Variants in FGFRL1 observed in about 807,000 individuals in gnomAD.
The protein encoded by FGFRL1 is fibroblast growth factor receptor-like 1.
In FGFRL1, 24 loss-of-function variants were observed where a neutral mutation model predicts 36.8. The ratio of observed to expected loss-of-function variants is 0.65; its 90% CI spans 0.47 to 0.92. The LOEUF is 0.92. Among genes scored for constraint, FGFRL1 ranks in the 40% least tolerant of loss-of-function variants. The pLI is 0.00. For missense variants in FGFRL1, 785 were observed against 753.4 expected (o/e 1.04, Z -0.49); for synonymous variants, 422 against 344.1 (o/e 1.23, Z -2.50).
chr4:1,013,439 A>C (rs1034391127), intron 2 of FGFRL1, among the ~76,000 whole-genome samples: 1 of 152,216 alleles, frequency 6.6e-6, no homozygotes, highest in Admixed American at 6.5e-5. Context: ...CCTGCCGCCC[A>C]GCAAGCGCGC....
chr4:1,013,368 G>A (rs866253410), intron 2 of FGFRL1, among the ~76,000 whole-genome samples: 6 of 152,248 alleles, frequency 3.9e-5, no homozygotes, highest in Admixed American at 6.5e-5. Flanking sequence ...CCCTTTGGGC[G>A]TGTTGACCAC....
At chr4:1,013,531 C>T (rs1198621408) in intron 2 of FGFRL1, among the ~76,000 whole-genome samples, 3 of 129,590 alleles carry the variant, frequency 2.3e-5, no homozygotes, top group Non-Finnish European at 3.4e-5. Flanking sequence ...CCACAGCACC[C>T]CCCCCTACCC....
rs1715592888 is a variant in FGFRL1 at position 1,011,737 on chromosome 4, C to T, written c.-234C>T. 7.0e-6 allele frequency: 1 copy of T among 143,362 alleles called. No individual in the cohort carries two copies. The highest frequency in any genetic ancestry group is 1.6e-5 in the Non-Finnish European group (1 of 64,486). 8.9% of individuals were successfully genotyped at this position (143,362 alleles called of 1,614,324 possible). A position where few individuals can be genotyped will look rare whatever the true frequency, so the allele number is the denominator to read the frequency against. ...GCCCCCGGCCCCGCGGACTCGCCCCCGCCGCCTGCCCGGTCCGGGACCCCG... is the reference window on the plus strand; with the variant it reads ...GCCCCCGGCCCCGCGGACTCGCCCCTGCCGCCTGCCCGGTCCGGGACCCCG... On this transcript the variant is annotated 5_prime_UTR_variant, in exon 1 of 7. Transcript: ENST00000510644.
At chr4:1,017,549 G>A (rs1560559813) in intron 2 of FGFRL1, among the ~76,000 whole-genome samples, 1 of 152,232 alleles carries the variant, frequency 6.6e-6, no homozygotes, top group Non-Finnish European at 1.5e-5. Flanking sequence ...TCCGACCTGG[G>A]CAGGTGCTGC....
intron 2 of FGFRL1, among the ~76,000 whole-genome samples, chr4:1,015,220 C>T (rs1256931145): frequency 6.6e-6 from 1 of 152,206 alleles, no homozygotes; most frequent in African/African-American, 2.4e-5. Flanking sequence ...TCAGGGCCTC[C>T]GCCAGTGACT....
rs4647933 is a variant in FGFRL1, at chr4:1,023,731, G to C, written c.433+10G>C. On this transcript the variant is annotated intron_variant, in intron 4 of 6. Transcript: ENST00000510644. This position sits in a 1 kb window ranked among gnomAD's most constrained non-coding sequence, Gnocchi z 6.0. ...GCCAGCCAGCAGTGGGGTGAGCAGG[G>C]GGTGACGGGGGTGGGGGGCGTCCGT... is the stretch of plus-strand genomic sequence containing the variant. 62,475 of 1,558,602 alleles carry C rather than the reference G, an allele frequency of 0.04. 1,540 individuals carry two copies. Among genetic ancestry groups the C allele is most frequent in the East Asian group, 0.12 (5,000 of 43,044 alleles).
chr4:1,018,484 C>T (rs1292696026), intron 2 of FGFRL1, among the ~76,000 whole-genome samples: 2 of 152,178 alleles, frequency 1.3e-5, no homozygotes, highest in South Asian at 2.1e-4. Flanking sequence ...GTCTCGCTCC[C>T]ATGTGGCCCT....
At chr4:1,010,528 C>T (rs1241575726), upstream of FGFRL1, among the ~76,000 whole-genome samples, 3 of 152,264 alleles carry the variant, frequency 2.0e-5, no homozygotes, top group Non-Finnish European at 4.4e-5. Flanking sequence ...CAGTTTCAGC[C>T]TTTCCTGGGA....
rs777318066 is a variant in FGFRL1 at position 1,024,439 on chromosome 4, C to T, written c.847C>T (p.Arg283Cys). The part of the protein sequence containing the change: ...DVKPVIQWLK[R>C]VEYGAEGRHN... ...GAAGCCGGTGATCCAGTGGCTGAAG[C>T]GCGTGGAGTACGGCGCCGAGGGCCG... Residue 283 changes from arginine to cysteine, a missense_variant, in exon 6 of 7, where the codon CGC becomes TGC. Arg to Cys is a radical substitution (Grantham distance 180, BLOSUM62 -3). Coordinates refer to ENST00000510644, the MANE Select transcript of FGFRL1 (RefSeq NM_001004356.3). 1.7e-5 allele frequency: 27 copies of T among 1,612,418 alleles called. No individual in the cohort carries two copies. Among genetic ancestry groups the T allele is most frequent in the African/African-American group, 2.7e-5 (2 of 74,912 alleles).
At position 1,012,413 on chromosome 4, in the gene FGFRL1, G is replaced by A. The variant is rs1457723216; in HGVS notation, c.-16-57G>A. 8 of 1,561,324 alleles carry A rather than the reference G, an allele frequency of 5.1e-6. No individual in the cohort carries two copies. In the East Asian group the frequency reaches 1.8e-4, roughly 35 times the overall value. On this transcript the variant is annotated intron_variant, in intron 1 of 6. Coordinates refer to ENST00000510644, the MANE Select transcript of FGFRL1 (RefSeq NM_001004356.3). ...CCCTGATCCCCGCGGCCCGGGACCGGGGAGGGCGGTATCTCCCAGTTCCAC... is the reference window on the plus strand; with the variant it reads ...CCCTGATCCCCGCGGCCCGGGACCGAGGAGGGCGGTATCTCCCAGTTCCAC...
At chr4:1,014,349 G>A (rs912692922) in intron 2 of FGFRL1, among the ~76,000 whole-genome samples, 35 of 152,114 alleles carry the variant, frequency 2.3e-4, no homozygotes, top group Non-Finnish European at 4.4e-5. Flanking sequence ...GTGGGAACTT[G>A]AGAGGTTCTG....
intron 2 of FGFRL1, among the ~76,000 whole-genome samples, chr4:1,019,958 C>G (rs1252051324): frequency 3.9e-5 from 6 of 152,338 alleles, no homozygotes; most frequent in Non-Finnish European, 2.9e-5. Context: ...ACTCCCAGCC[C>G]CAGCGGCCAA....
In FGFRL1 at chr4:1,025,521, A is replaced by T; in HGVS notation, c.*174A>T. 1.3e-6 allele frequency: 1 copy of T among 780,342 alleles called. No individual in the cohort carries two copies. Among genetic ancestry groups the T allele is most frequent in the South Asian group, 1.9e-5 (1 of 53,784 alleles). 48.3% of individuals were successfully genotyped at this position (780,342 alleles called of 1,614,324 possible). Reference sequence around the variant, plus strand: ...TGGACACACACACACAGACACACACACTGCCTGGATGCATGTATGCACACA... The same window carrying T: ...TGGACACACACACACAGACACACACTCTGCCTGGATGCATGTATGCACACA... On this transcript the variant is annotated 3_prime_UTR_variant, in exon 7 of 7. Coordinates refer to ENST00000510644, the MANE Select transcript of FGFRL1 (RefSeq NM_001004356.3).
rs937348819 is a variant in FGFRL1 at position 1,025,431 on chromosome 4, C to T, written c.*84C>T. ...TGGAGGACGGAGCTGCAGACGAAGG[C>T]AGGGGACCCATGGCGAGGAGGAATG... On this transcript the variant is annotated 3_prime_UTR_variant, in exon 7 of 7. Transcript: ENST00000510644. The T allele has an allele frequency of 2.7e-6, 4 of 1,470,172 alleles. No homozygotes were observed. The highest frequency in any genetic ancestry group is 2.8e-5 in the African/African-American group (2 of 71,466). The allele number at this position is 1,470,172 out of a possible 1,614,324, so 91.1% of individuals were successfully genotyped here.
rs764055305 is a variant in FGFRL1 at position 1,023,860 on chromosome 4, G to C, written c.477G>C (p.Val159=). ...AGCCCTCCAAGATGAGGCGCCGGGTGATCGCACGGCCCGTGGGTAGCTCCG... is the reference window on the plus strand; with the variant it reads ...AGCCCTCCAAGATGAGGCGCCGGGTCATCGCACGGCCCGTGGGTAGCTCCG... The part of the protein sequence containing the change: ...FTQPSKMRRR[V]IARPVGSSVR... The change falls in exon 5 of 7, where the codon GTG becomes GTC. Residue 159 remains valine, a synonymous_variant. Transcript: ENST00000510644. The surrounding 1 kb of genome is among the most constrained non-coding windows in gnomAD (Gnocchi z 6.0). 9 of 1,577,846 alleles carry C rather than the reference G, an allele frequency of 5.7e-6. No homozygotes were observed. The Admixed American group carries it at 1.6e-4, about 27-fold the overall frequency.
chr4:1,014,450 G>A (rs1715777917), intron 2 of FGFRL1, among the ~76,000 whole-genome samples: 1 of 152,194 alleles, frequency 6.6e-6, no homozygotes, highest in Non-Finnish European at 1.5e-5. Context: ...GCATGGCCTT[G>A]GGGGCCAGCT....
intron 2 of FGFRL1, among the ~76,000 whole-genome samples, chr4:1,021,277 G>A: frequency 6.6e-6 from 1 of 152,032 alleles, no homozygotes. Context: ...GGAAAGGAGG[G>A]CTCGGCTTCT....
chr4:1,014,796 GGAATCGGGCCAGCC>G (rs1373360930), intron 2 of FGFRL1, among the ~76,000 whole-genome samples: 1 of 152,208 alleles, frequency 6.6e-6, no homozygotes, highest in African/African-American at 2.4e-5. Flanking sequence ...TGCAAGGTGG[GGAATCGGGCCAGCC>G]GCCCCGTTTC....
Position 1,023,737 on chromosome 4 carries a change from C to A in FGFRL1, c.433+16C>A. ...CAGCAGTGGGGTGAGCAGGGGGTGA[C>A]GGGGGTGGGGGGCGTCCGTCTGTCC... On this transcript the variant is annotated intron_variant, in intron 4 of 6. Transcript: ENST00000510644. The surrounding 1 kb of genome is among the most constrained non-coding windows in gnomAD (Gnocchi z 6.0). 1 of 661,632 alleles carries A rather than the reference C, an allele frequency of 1.5e-6. No homozygotes were observed. The highest frequency in any genetic ancestry group is 2.5e-5 in the Admixed American group (1 of 40,724). 41.0% of individuals were successfully genotyped at this position (661,632 alleles called of 1,614,324 possible).
Sources: allele counts gnomAD v4.1 joint callset (sites outside exome capture counted in the v4.1 genomes callset), GRCh38; gene constraint gnomAD v4.1.1; non-coding constraint Gnocchi (gnomAD v3.1); transcripts MANE v1.5; gene names NCBI Gene and HGNC (gene_info 2026-07-23, HGNC 2026-07-21).